The following TTC29 variants were observed in gnomAD, a reference collection of about 807,000 sequenced individuals.
TTC29 encodes the protein tetratricopeptide repeat protein 29.
In TTC29, 49 loss-of-function variants were observed where a neutral mutation model predicts 58.1. The ratio of observed to expected loss-of-function variants is 0.84; its 90% CI spans 0.67 to 1.07. The LOEUF is 1.07. Ranked by LOEUF, TTC29 falls within the 50% of genes least tolerant of loss-of-function variation. The pLI, the probability that TTC29 is intolerant of heterozygous loss-of-function variation, is 0.00. For synonymous variants in TTC29, 209 were observed against 196.8 expected (o/e 1.06, Z -0.52); for missense variants, 582 against 555.6 (o/e 1.05, Z -0.48).
chr4:146,794,389 A>G (rs1749684983), intron 11 of TTC29, among the ~76,000 whole-genome samples: 1 of 152,162 alleles, frequency 6.6e-6, no homozygotes, highest in South Asian at 2.1e-4. Flanking sequence ...ATTAGTAGCT[A>G]AAGGATGAAT....
rs556179458 is a variant in TTC29 at position 146,908,841 on chromosome 4, G to C, written c.400+185C>G. Among the ~76,000 whole-genome samples, 102 of 152,340 alleles carry C rather than the reference G, an allele frequency of 6.7e-4. 1 individual carries two copies. The highest frequency in any genetic ancestry group is 2.4e-3 in the African/African-American group (99 of 41,580). On this transcript the variant is annotated intron_variant, in intron 5 of 12. Transcript: ENST00000325106. The stretch of plus-strand genomic sequence containing the variant: ...AAGGACATCACCAGAATGCCCCCGT[G>C]TCTGGGCAGCCTCGTGATCCAACAT...
chr4:146,827,135 G>C (rs1579771752), intron 9 of TTC29, among the ~76,000 whole-genome samples: 2 of 151,970 alleles, frequency 1.3e-5, no homozygotes, highest in East Asian at 3.9e-4. Context: ...ATCCATGTCT[G>C]TGCCCACATC....
intron 11 of TTC29, among the ~76,000 whole-genome samples, chr4:146,725,765 T>C (rs919038038): frequency 6.6e-6 from 1 of 152,182 alleles, no homozygotes. Flanking sequence ...ATAGCCTATA[T>C]AGTTTAAAGT....
chr4:146,826,302 T>C (rs897958673), intron 9 of TTC29, among the ~76,000 whole-genome samples: 1 of 152,220 alleles, frequency 6.6e-6, no homozygotes. Context: ...AGGAAAGGCC[T>C]GGTGGTAACA....
At chr4:146,898,923 T>C (rs1169691913) in intron 6 of TTC29, among the ~76,000 whole-genome samples, 1 of 152,128 alleles carries the variant, frequency 6.6e-6, no homozygotes, top group Admixed American at 6.5e-5. Context: ...CACAGCTCAA[T>C]GTAAACCATC....
chr4:146,848,231 T>C (rs1413822016), intron 8 of TTC29, among the ~76,000 whole-genome samples: 1 of 152,066 alleles, frequency 6.6e-6, no homozygotes. Context: ...ATGCAAAGAG[T>C]ATAATAAAGC....
chr4:146,739,020 C>A (rs1744926264), intron 11 of TTC29, among the ~76,000 whole-genome samples: 1 of 151,970 alleles, frequency 6.6e-6, no homozygotes. Flanking sequence ...ATTTTTGGAG[C>A]ACAATTTTGG....
chr4:146,838,116 C>T (rs1728630074), intron 8 of TTC29, among the ~76,000 whole-genome samples: 1 of 151,912 alleles, frequency 6.6e-6, no homozygotes, highest in South Asian at 2.1e-4. Flanking sequence ...TCAGAGAAAA[C>T]AGACTATCTT....
chr4:146,806,689 T>A (rs1298697604), intron 10 of TTC29, among the ~76,000 whole-genome samples: 1 of 151,094 alleles, frequency 6.6e-6, no homozygotes, highest in Non-Finnish European at 1.5e-5. Context: ...AAGAGCTAAC[T>A]AGCCTAAATA....
chr4:146,777,565 T>C (rs965157945), intron 11 of TTC29, among the ~76,000 whole-genome samples: 2 of 152,220 alleles, frequency 1.3e-5, no homozygotes, highest in Admixed American at 1.3e-4. Context: ...CTATGCTGTT[T>C]ACAATTCATG....
chr4:146,753,981 C>A (rs1283599887), intron 11 of TTC29, among the ~76,000 whole-genome samples: 1 of 151,738 alleles, frequency 6.6e-6, no homozygotes, highest in African/African-American at 2.4e-5. Flanking sequence ...GTGCAGCACA[C>A]CATCATGGCA....
chr4:146,737,599 G>GT (rs201874685), intron 11 of TTC29, among the ~76,000 whole-genome samples: 1 of 149,370 alleles, frequency 6.7e-6, no homozygotes, highest in East Asian at 2.0e-4. Flanking sequence ...CTGGGGGGGG[G>GT]GGGGCTACAA....
intron 11 of TTC29, among the ~76,000 whole-genome samples, chr4:146,741,099 G>C (rs945727290): frequency 2.0e-5 from 3 of 152,172 alleles, no homozygotes; most frequent in African/African-American, 7.2e-5. Flanking sequence ...ACCCAGTAGT[G>C]TGAACCTTAC....
intron 11 of TTC29, among the ~76,000 whole-genome samples, chr4:146,796,880 C>T (rs1169208651): frequency 6.6e-6 from 1 of 152,042 alleles, no homozygotes; most frequent in African/African-American, 2.4e-5. Flanking sequence ...CCATCAGAAT[C>T]CACAAAGCTG....
At chr4:146,868,424 T>C (rs935134454) in intron 7 of TTC29, among the ~76,000 whole-genome samples, 3 of 152,150 alleles carry the variant, frequency 2.0e-5, no homozygotes, top group African/African-American at 7.2e-5. Context: ...AACTGACAGC[T>C]TAATTTCCTG....
rs529981156 is a variant in TTC29 at position 146,910,143 on chromosome 4, T to C, written c.177-894A>G. ...AAATAGGACAAACGACATGATGTGA[T>C]ACTACTGGCAACAAAAATTCACCGT... On this transcript the variant is annotated intron_variant, in intron 4 of 12. Transcript: ENST00000325106. 8.6e-4 allele frequency among the ~76,000 whole-genome samples: 131 copies of C among 152,194 alleles called. 2 individuals carry two copies. The highest frequency in any genetic ancestry group is 3.0e-3 in the African/African-American group (125 of 41,528).
At chr4:146,798,810 C>G (rs28655538) in intron 11 of TTC29, among the ~76,000 whole-genome samples, 16,769 of 140,380 alleles carry the variant, frequency 0.12, 1,138 homozygotes, top group East Asian at 0.23. Context: ...TGGCATGAAC[C>G]TGGGAGACGG....
rs57951745 is a variant in TTC29, at chr4:146,780,302, GGTGTGTGTGTGTGTGTGT to G, written c.1330+23137_1330+23154del. On this transcript the variant is annotated intron_variant, in intron 11 of 12. Coordinates refer to ENST00000325106, the MANE Select transcript of TTC29 (RefSeq NM_031956.4). ...TTCTGAATGAGTCTTCCTAACTTGG[GGTGTGTGTGTGTGTGTGT>G]GTGTGTGTGTGTGTGTGTGTGTGTG... 1.7e-4 allele frequency among the ~76,000 whole-genome samples: 24 copies of G among 138,542 alleles called. 1 individual carries two copies. The highest frequency in any genetic ancestry group is 5.1e-4 in the Admixed American group (7 of 13,826). The allele number at this position is 138,542 out of a possible 152,430, so 90.9% of individuals were successfully genotyped here. A position where few individuals can be genotyped will look rare whatever the true frequency, so the allele number is the denominator to read the frequency against.
intron 11 of TTC29, among the ~76,000 whole-genome samples, chr4:146,800,903 A>T (rs1225687554): frequency 1.3e-5 from 2 of 152,230 alleles, no homozygotes; most frequent in African/African-American, 4.8e-5. Flanking sequence ...ATGCCAAATG[A>T]AAAGCGAGTG....
Sources: gnomAD v4.1 joint callset for allele counts (sites outside exome capture counted in the v4.1 genomes callset) on GRCh38, gnomAD v4.1.1 for gene constraint, MANE v1.5 for transcripts, NCBI Gene and HGNC (gene_info 2026-07-23, HGNC 2026-07-21) for gene names.